AFF1: variants seen among roughly 807,000 people sequenced by gnomAD.
AFF1 encodes AF4/FMR2 family member 1.
AFF1 carries 48 observed loss-of-function variants against 121.7 expected under a neutral mutation model. The ratio of observed to expected loss-of-function variants is 0.39; its 90% CI spans 0.31 to 0.50. The LOEUF is 0.50. Among genes scored for constraint, AFF1 ranks in the 20% least tolerant of loss-of-function variants. The pLI is 0.76. For missense variants in AFF1, 1,523 were observed against 1,511.7 expected, an observed-to-expected ratio of 1.01 and a Z score of -0.12; for synonymous variants, 613 against 563.0, an observed-to-expected ratio of 1.09 and a Z score of -1.26.
intron 4 of AFF1, among the ~76,000 whole-genome samples, 195 bp from the exon 5 acceptor site, chr4:87,083,925 G>A (rs982279630): frequency 6.6e-6 from 1 of 152,136 alleles, no homozygotes; most frequent in Admixed American, 6.5e-5. Context: ...ACCATGCATG[G>A]CTAATTTTTA....
At chr4:87,111,641 A>G (rs989977689) in intron 11 of AFF1, among the ~76,000 whole-genome samples, 1 of 152,230 alleles carries the variant, frequency 6.6e-6, no homozygotes, top group African/African-American at 2.4e-5. Flanking sequence ...GGTGTGAGCC[A>G]CTGCGCCCAG....
At chr4:86,978,177 CTTTTTTT>C (rs10676975) in intron 2 of AFF1, among the ~76,000 whole-genome samples, 455 of 39,368 alleles carry the variant, frequency 0.012, 13 homozygotes, top group Middle Eastern at 0.059. Context: ...ATTACATTCA[CTTTTTTT>C]TTTTTTTTTT....
In AFF1 at chr4:86,982,388, CTTTTTTTTTTTT is replaced by C. The variant is rs70953632; in HGVS notation, c.38+33835_38+33846del. ...GCGCTGTTCAAAGAAAAAAAATTGG[CTTTTTTTTTTTT>C]TTTTTTTTTTTTTTTTTACAAAGTG... On this transcript the variant is annotated intron_variant, in intron 2 of 20. Transcript: ENST00000395146. Among the ~76,000 whole-genome samples the C allele has an allele frequency of 1.2e-4, 7 of 58,592 alleles. 1 individual carries two copies. The highest frequency in any genetic ancestry group is 2.2e-4 in the Non-Finnish European group (7 of 32,356). 38.4% of individuals were successfully genotyped at this position (58,592 alleles called of 152,430 possible).
At chr4:87,052,207 GTT>G (rs1731338775) in intron 4 of AFF1, among the ~76,000 whole-genome samples, 2 of 152,132 alleles carry the variant, frequency 1.3e-5, no homozygotes, top group African/African-American at 4.8e-5. Context: ...GAGCCCAGGA[GTT>G]CAAGACCAGC....
chr4:87,123,779 C>T (rs1727950746), intron 12 of AFF1, among the ~76,000 whole-genome samples: 1 of 152,098 alleles, frequency 6.6e-6, no homozygotes, highest in African/African-American at 2.4e-5. Flanking sequence ...ATTCATTTTT[C>T]TTAAACTCGG....
At position 87,046,161 on chromosome 4, in the gene AFF1, AAC is replaced by A. The variant is rs1578137848; in HGVS notation, c.39-3_39-2del. 2 of 1,609,182 alleles carry A rather than the reference AAC, an allele frequency of 1.2e-6. No individual in the cohort carries two copies. The highest frequency in any genetic ancestry group is 2.7e-5 in the African/African-American group (2 of 74,348). On this transcript the variant is annotated splice_polypyrimidine_tract_variant and splice_region_variant and intron_variant, in intron 2 of 20. Coordinates refer to ENST00000395146, the MANE Select transcript of AFF1 (RefSeq NM_001166693.3). Reference sequence around the variant, plus strand: ...GTTTTCATTCTTTTGTGGCATCTGAAACAGTTTGTACAATGACGACAGAAACC... The same window carrying A: ...GTTTTCATTCTTTTGTGGCATCTGAAAGTTTGTACAATGACGACAGAAACC...
intron 17 of AFF1, 87 bp downstream of exon 17, chr4:87,131,306 G>C (rs190452115): frequency 1.3e-6 from 2 of 1,523,888 alleles, no homozygotes; most frequent in East Asian, 2.3e-5. Flanking sequence ...TTAGTGTGAA[G>C]ATGGCTCAAT....
At chr4:86,975,075 T>C (rs1187985587) in intron 2 of AFF1, among the ~76,000 whole-genome samples, 2 of 152,144 alleles carry the variant, frequency 1.3e-5, no homozygotes, top group South Asian at 2.1e-4. Flanking sequence ...CGCACTTATC[T>C]CTTTAGTGCT....
intron 2 of AFF1, among the ~76,000 whole-genome samples, chr4:86,957,517 C>A (rs968866598): frequency 2.0e-5 from 3 of 152,012 alleles, no homozygotes; most frequent in African/African-American, 7.2e-5. Context: ...AATGCTGGGG[C>A]AACTAGTTCA....
At chr4:87,089,324 T>C (rs1724063831) in intron 5 of AFF1, among the ~76,000 whole-genome samples, 1 of 152,248 alleles carries the variant, frequency 6.6e-6, no homozygotes, top group Non-Finnish European at 1.5e-5. Context: ...AGAATTCATG[T>C]CAAGATACAT....
intron 16 of AFF1, among the ~76,000 whole-genome samples, chr4:87,129,581 C>A (rs1484825567): frequency 1.3e-5 from 2 of 152,194 alleles, no homozygotes; most frequent in African/African-American, 4.8e-5. Flanking sequence ...GCAAACCGGT[C>A]ATGCCAAATA....
At chr4:87,045,111 A>C (rs1354179587) in intron 2 of AFF1, among the ~76,000 whole-genome samples, 1 of 152,138 alleles carries the variant, frequency 6.6e-6, no homozygotes, top group East Asian at 1.9e-4. Flanking sequence ...GAGAAGTCAG[A>C]AGAGGGCAAA....
intron 2 of AFF1, among the ~76,000 whole-genome samples, chr4:86,976,439 A>G (rs1397728645): frequency 1.3e-5 from 2 of 152,192 alleles, no homozygotes; most frequent in Non-Finnish European, 2.9e-5. Flanking sequence ...TCACGCACCC[A>G]TGAAAAAGAA....
chr4:87,029,448 G>A (rs1311833686), intron 2 of AFF1, among the ~76,000 whole-genome samples: 2 of 152,200 alleles, frequency 1.3e-5, no homozygotes, highest in Admixed American at 1.3e-4. Flanking sequence ...TTCAGATCCA[G>A]CAGTGCATTC....
intron 2 of AFF1, among the ~76,000 whole-genome samples, chr4:86,982,848 C>CAAAAAAAAAAAAAAAAA (rs59568294): frequency 1.1e-4 from 6 of 53,810 alleles, no homozygotes; most frequent in African/African-American, 4.1e-4. Flanking sequence ...ACTCTGTCTC[C>CAAAAAAAAAAAAAAAAA]AAAAAAAAAA....
intron 2 of AFF1, among the ~76,000 whole-genome samples, chr4:87,032,074 T>C (rs1729134568): frequency 6.6e-6 from 1 of 152,198 alleles, no homozygotes; most frequent in South Asian, 2.1e-4. Flanking sequence ...TGACAAGCTT[T>C]GTAAGGCTCA....
At chr4:87,113,227 A>G (rs1003447675) in intron 11 of AFF1, among the ~76,000 whole-genome samples, 6 of 152,150 alleles carry the variant, frequency 3.9e-5, no homozygotes, top group Non-Finnish European at 8.8e-5. Flanking sequence ...CTCCCTTTGT[A>G]TCTTAGAAAC....
chr4:87,064,583 T>A (rs543923475), intron 4 of AFF1, among the ~76,000 whole-genome samples: 4 of 152,036 alleles, frequency 2.6e-5, no homozygotes, highest in Non-Finnish European at 5.9e-5. Context: ...CTACAAAACA[T>A]TTTAAAAATT....
At chr4:87,113,640 T>C (rs192222847) in intron 11 of AFF1, among the ~76,000 whole-genome samples, 1 of 152,302 alleles carries the variant, frequency 6.6e-6, no homozygotes, top group Non-Finnish European at 1.5e-5. Flanking sequence ...TTTATCAAGG[T>C]ATAAAAATTG....
Sources: gnomAD v4.1 joint callset for allele counts (sites outside exome capture counted in the v4.1 genomes callset) on GRCh38, gnomAD v4.1.1 for gene constraint, MANE v1.5 for transcripts, NCBI Gene and HGNC (gene_info 2026-07-23, HGNC 2026-07-21) for gene names.